The following ANO3 variants were observed in gnomAD, a reference collection of about 807,000 sequenced individuals.
ANO3 encodes anoctamin-3.
Under a neutral mutation model 144.8 loss-of-function variants are expected in ANO3, and 99 were observed. The observed-to-expected ratio is 0.68, with a 90% CI of 0.58 to 0.81. The LOEUF is 0.81. Among genes scored for constraint, ANO3 ranks in the 30% least tolerant of loss-of-function variants. The pLI, the probability that ANO3 is intolerant of heterozygous loss-of-function variation, is 0.00. For missense variants in ANO3, 905 were observed against 1,202.2 expected (o/e 0.75, Z 3.66); for synonymous variants, 414 against 392.6 (o/e 1.05, Z -0.64).
intron 1 of ANO3, among the ~76,000 whole-genome samples, chr11:26,324,769 A>G (rs937934018): frequency 6.6e-6 from 1 of 152,234 alleles, no homozygotes; most frequent in East Asian, 1.9e-4. Flanking sequence ...GTCCAAAGGC[A>G]GTCTGGAAAC....
intron 1 of ANO3, among the ~76,000 whole-genome samples, chr11:26,381,833 A>C (rs1179792833): frequency 6.6e-6 from 1 of 152,206 alleles, no homozygotes; most frequent in African/African-American, 2.4e-5. Flanking sequence ...AATGATTGTC[A>C]GATGACTTCC....
intron 3 of ANO3, among the ~76,000 whole-genome samples, chr11:26,453,952 T>G (rs537096697): frequency 6.6e-6 from 1 of 152,284 alleles, no homozygotes; most frequent in East Asian, 1.9e-4. Context: ...ACATGGAAAC[T>G]GAGCAACCTG....
At chr11:26,438,519 G>C (rs1858375845) in intron 1 of ANO3, among the ~76,000 whole-genome samples, 1 of 148,324 alleles carries the variant, frequency 6.7e-6, no homozygotes, top group African/African-American at 2.5e-5. Context: ...GGCTGAGGCA[G>C]GTGGATCACC....
chr11:26,221,024 G>A (rs1042756835), intron 1 of ANO3, among the ~76,000 whole-genome samples: 2 of 152,178 alleles, frequency 1.3e-5, no homozygotes, highest in Non-Finnish European at 2.9e-5. Flanking sequence ...TTTTAGCCAA[G>A]TCTCATTTAT....
chr11:26,319,396 T>C (rs1167690938), intron 1 of ANO3, among the ~76,000 whole-genome samples: 4 of 152,154 alleles, frequency 2.6e-5, no homozygotes, highest in Non-Finnish European at 4.4e-5. Flanking sequence ...ACTTTCTATA[T>C]GTTTTCTACC....
At chr11:26,267,964 G>C (rs1853352154) in intron 1 of ANO3, among the ~76,000 whole-genome samples, 1 of 151,988 alleles carries the variant, frequency 6.6e-6, no homozygotes, top group Non-Finnish European at 1.5e-5. Context: ...AAAGTAATCT[G>C]TGAATAAGAG....
At chr11:26,387,294 G>A (rs1856761653) in intron 1 of ANO3, among the ~76,000 whole-genome samples, 1 of 151,590 alleles carries the variant, frequency 6.6e-6, no homozygotes, top group South Asian at 2.1e-4. Context: ...TATTGATGAA[G>A]GTGATAAAAG....
intron 3 of ANO3, among the ~76,000 whole-genome samples, chr11:26,455,716 A>G (rs1859127009): frequency 6.6e-6 from 1 of 151,880 alleles, no homozygotes; most frequent in South Asian, 2.1e-4. Context: ...GAATTGGAAA[A>G]AAACTACTTT....
chr11:26,238,029 T>C (rs1338331179), intron 1 of ANO3, among the ~76,000 whole-genome samples: 1 of 152,142 alleles, frequency 6.6e-6, no homozygotes, highest in African/African-American at 2.4e-5. Context: ...GTACTTATTT[T>C]ATAAACCAAA....
intron 1 of ANO3, among the ~76,000 whole-genome samples, chr11:26,355,684 C>T (rs1855763836): frequency 6.6e-6 from 1 of 151,754 alleles, no homozygotes; most frequent in Non-Finnish European, 1.5e-5. Flanking sequence ...CTCAGCCTCC[C>T]GAGTAGCTGG....
chr11:26,625,205 G>A (rs1300653169), intron 18 of ANO3, among the ~76,000 whole-genome samples: 4 of 152,206 alleles, frequency 2.6e-5, no homozygotes, highest in Non-Finnish European at 5.9e-5. Context: ...GATTACAGGC[G>A]TGAGCCACTG....
intron 1 of ANO3, among the ~76,000 whole-genome samples, chr11:26,234,667 C>T (rs1317076504): frequency 1.3e-5 from 2 of 152,180 alleles, no homozygotes; most frequent in Non-Finnish European, 2.9e-5. Flanking sequence ...CCTATACTCA[C>T]CATATCCTTT....
intron 7 of ANO3, 90 bp from the exon 8 acceptor site, chr11:26,531,115 T>A: frequency 7.0e-7 from 1 of 1,427,224 alleles, no homozygotes; most frequent in Non-Finnish European, 9.6e-7. Flanking sequence ...TTCAAAGAAG[T>A]TTCTTTAGTA....
intron 1 of ANO3, among the ~76,000 whole-genome samples, chr11:26,376,829 G>A (rs893766568): frequency 2.0e-4 from 31 of 152,128 alleles, no homozygotes; most frequent in Admixed American, 1.4e-3. Flanking sequence ...TAACTGTGTT[G>A]TTGGGGAACT....
At chr11:26,580,377 A>G (rs1482241551) in intron 14 of ANO3, among the ~76,000 whole-genome samples, 1 of 152,178 alleles carries the variant, frequency 6.6e-6, no homozygotes, top group African/African-American at 2.4e-5. Flanking sequence ...CACTGGCAGT[A>G]TTACGTACAT....
chr11:26,224,436 G>T (rs944710706), intron 1 of ANO3, among the ~76,000 whole-genome samples: 9 of 152,246 alleles, frequency 5.9e-5, no homozygotes, highest in African/African-American at 2.2e-4. Flanking sequence ...AATAGTCCAT[G>T]TTGCTATAGT....
intron 1 of ANO3, among the ~76,000 whole-genome samples, chr11:26,238,528 C>CATTT (rs903929361): frequency 1.3e-5 from 2 of 151,984 alleles, no homozygotes; most frequent in African/African-American, 4.8e-5. Flanking sequence ...ATTGCATGTA[C>CATTT]ATTTATTTAT....
chr11:26,313,863 A>G (rs1854560992), intron 1 of ANO3, among the ~76,000 whole-genome samples: 1 of 148,438 alleles, frequency 6.7e-6, no homozygotes, highest in Non-Finnish European at 1.5e-5. Context: ...TTTAAATGAA[A>G]TTAAATATTA....
intron 1 of ANO3, among the ~76,000 whole-genome samples, chr11:26,416,413 G>GT (rs1035059768): frequency 2.8e-4 from 42 of 148,924 alleles, no homozygotes; most frequent in Admixed American, 3.4e-4. Flanking sequence ...TCCTGTTTTA[G>GT]TTTTTTTTTT....
Sources: allele counts gnomAD v4.1 joint callset (sites outside exome capture counted in the v4.1 genomes callset), GRCh38; gene constraint gnomAD v4.1.1; transcripts MANE v1.5; gene names NCBI Gene and HGNC (gene_info 2026-07-23, HGNC 2026-07-21).